Variants in IGBP1 observed in about 807,000 individuals in gnomAD.
IGBP1 encodes the protein immunoglobulin-binding protein 1.
IGBP1 carries 2 observed loss-of-function variants against 25.9 expected under a neutral mutation model. That is an observed-to-expected ratio of 0.08 (90% CI 0.03 to 0.24). IGBP1 has a LOEUF of 0.24. Among genes scored for constraint, IGBP1 ranks in the 10% least tolerant of loss-of-function variants. The pLI, the probability that IGBP1 is intolerant of heterozygous loss-of-function variation, is 1.00. For synonymous variants in IGBP1, 96 were observed against 93.4 expected, an observed-to-expected ratio of 1.03 and a Z score of -0.16; for missense variants, 187 against 260.4, an observed-to-expected ratio of 0.72 and a Z score of 1.94.
intron 6 of IGBP1, among the ~76,000 whole-genome samples, chrX:70,157,662 A>G (rs1232900076): frequency 8.9e-6 from 1 of 112,493 alleles, no homozygotes; most frequent in Non-Finnish European, 1.9e-5. Context: ...CCAGACGCAA[A>G]AGAGTATATA....
chrX:70,140,780 C>T (rs1038774490), intron 3 of IGBP1, among the ~76,000 whole-genome samples: 6 of 111,456 alleles, frequency 5.4e-5, no homozygotes, highest in Admixed American at 3.8e-4. Flanking sequence ...GAGAAGTGGA[C>T]GCTGGGTAAG....
At chrX:70,163,952 T>C (rs952533532) in intron 6 of IGBP1, 13 of 112,014 alleles carry the variant, frequency 1.2e-4, no homozygotes, top group African/African-American at 2.9e-4. Flanking sequence ...AAAAATACGA[T>C]GCTAGGCCAG....
At chrX:70,154,216 G>A (rs1262108963) in intron 6 of IGBP1, among the ~76,000 whole-genome samples, 2 of 108,584 alleles carry the variant, frequency 1.8e-5, no homozygotes, top group African/African-American at 3.4e-5. Flanking sequence ...ACAGGCGCCC[G>A]CCATCACACC....
At chrX:70,136,320 T>C (rs2085094405) in intron 3 of IGBP1, among the ~76,000 whole-genome samples, 1 of 111,931 alleles carries the variant, frequency 8.9e-6, no homozygotes, top group Non-Finnish European at 1.9e-5. Context: ...ATTACATGAG[T>C]TATTCAACAC....
rs1196841577 is a variant in IGBP1, at chrX:70,166,210, GCTT to G, written c.*233_*235del. ...ATCATCCTCATCATGTTGTATTCCA[GCTT>G]CTTAAGTGGAAGGAAAAGAGTGCTG... On this transcript the variant is annotated 3_prime_UTR_variant, in exon 7 of 7. Coordinates refer to ENST00000356413, the MANE Select transcript of IGBP1 (RefSeq NM_001551.3). The G allele has an allele frequency of 1.6e-5, 6 of 384,984 alleles. No individual in the cohort carries two copies. The highest frequency in any genetic ancestry group is 2.7e-5 in the Non-Finnish European group (6 of 218,287). The allele number at this position is 384,984 out of a possible 1,213,427, so 31.7% of individuals were successfully genotyped here.
intron 3 of IGBP1, among the ~76,000 whole-genome samples, chrX:70,136,184 C>G (rs781487471): frequency 1.8e-5 from 2 of 111,697 alleles, no homozygotes; most frequent in East Asian, 5.6e-4. Context: ...TGAGCCTCAG[C>G]TTTCCTCATA....
intron 6 of IGBP1, among the ~76,000 whole-genome samples, chrX:70,152,837 T>C (rs921356681): frequency 8.9e-6 from 1 of 111,764 alleles, no homozygotes; most frequent in Non-Finnish European, 1.9e-5. Flanking sequence ...AGTATCTCAG[T>C]GGCCTGCGGA....
At chrX:70,142,742 C>T (rs2085138542) in intron 3 of IGBP1, among the ~76,000 whole-genome samples, 1 of 109,290 alleles carries the variant, frequency 9.1e-6, no homozygotes, top group Non-Finnish European at 1.9e-5. Flanking sequence ...TCACTTGAGC[C>T]CAGGAGCTAG....
intron 5 of IGBP1, 37 bp from the exon 6 acceptor site, chrX:70,150,173 G>GT (rs765192335): frequency 2.2e-5 from 19 of 865,043 alleles, no homozygotes; most frequent in East Asian, 3.1e-5. Context: ...TTGTTTTTTT[G>GT]TTTTTTTGTT....
In IGBP1 at chrX:70,134,145, A is replaced by C; in HGVS notation, c.188+10A>C. 8.3e-7 allele frequency: 1 copy of C among 1,201,329 alleles called. No individual in the cohort carries two copies. The highest frequency in any genetic ancestry group is 1.1e-6 in the Non-Finnish European group (1 of 885,932). On this transcript the variant is annotated intron_variant, in intron 2 of 6. Transcript: ENST00000356413. ...AGCTCGACTTGTTCAGGTATGGGGGAAGATAGTAATAATGGCTGAGAACGA... is the reference window on the plus strand; with the variant it reads ...AGCTCGACTTGTTCAGGTATGGGGGCAGATAGTAATAATGGCTGAGAACGA...
At chrX:70,163,795 A>G (rs1483537657) in intron 6 of IGBP1, 1 of 112,290 alleles carries the variant, frequency 8.9e-6, no homozygotes, top group African/African-American at 3.2e-5. Flanking sequence ...TGAGTATGCA[A>G]TCAGCAAAAT....
chrX:70,147,176 G>A (rs1245592838), intron 4 of IGBP1, among the ~76,000 whole-genome samples: 1 of 111,765 alleles, frequency 8.9e-6, no homozygotes, highest in African/African-American at 3.3e-5. Flanking sequence ...GCTCATGCCT[G>A]TAATCCCAGC....
intron 6 of IGBP1, among the ~76,000 whole-genome samples, chrX:70,154,144 G>A (rs900866616): frequency 9.7e-6 from 1 of 103,010 alleles, no homozygotes; most frequent in East Asian, 3.1e-4. Flanking sequence ...TGCAAGCTCC[G>A]CCTCCCGGGT....
chrX:70,145,887 G>C (rs1024908510), intron 3 of IGBP1, among the ~76,000 whole-genome samples: 1 of 112,107 alleles, frequency 8.9e-6, no homozygotes, highest in South Asian at 3.7e-4. Flanking sequence ...GTATGCATTT[G>C]ACCTTACTTT....
intron 6 of IGBP1, among the ~76,000 whole-genome samples, chrX:70,163,556 G>A (rs192447771): frequency 3.4e-3 from 376 of 111,457 alleles, no homozygotes; most frequent in African/African-American, 0.012. Flanking sequence ...TAAAATTAAG[G>A]GTATCACCTT....
chrX:70,137,578 G>A (rs774381778), intron 3 of IGBP1, among the ~76,000 whole-genome samples: 1 of 109,898 alleles, frequency 9.1e-6, no homozygotes, highest in Non-Finnish European at 1.9e-5. Flanking sequence ...TGTAATTTCC[G>A]CTGGTAAGGA....
chrX:70,145,296 C>G (rs187316013), intron 3 of IGBP1, among the ~76,000 whole-genome samples: 1 of 111,127 alleles, frequency 9.0e-6, no homozygotes, highest in African/African-American at 3.3e-5. Context: ...CTCTTACATC[C>G]AATAAATCAA....
At chrX:70,163,262 T>G (rs1369882048) in intron 6 of IGBP1, among the ~76,000 whole-genome samples, 3 of 110,036 alleles carry the variant, frequency 2.7e-5, no homozygotes, top group Non-Finnish European at 5.7e-5. Flanking sequence ...TCTCGCCATC[T>G]TGCCCAGGAT....
intron 6 of IGBP1, among the ~76,000 whole-genome samples, chrX:70,151,570 G>GA (rs1224800555): frequency 9.0e-6 from 1 of 110,594 alleles, no homozygotes; most frequent in African/African-American, 3.3e-5. Context: ...AAAACAAAAA[G>GA]AAAAAAAATA....
Sources: allele counts gnomAD v4.1 joint callset (sites outside exome capture counted in the v4.1 genomes callset), GRCh38; gene constraint gnomAD v4.1.1; transcripts MANE v1.5; gene names NCBI Gene and HGNC (gene_info 2026-07-23, HGNC 2026-07-21).